The following ASMT variants were observed in gnomAD, a reference collection of about 807,000 sequenced individuals.
The protein encoded by ASMT is acetylserotonin N-methyltransferase.
Under a neutral mutation model 41.3 loss-of-function variants are expected in ASMT, and 53 were observed. The observed-to-expected ratio is 1.28, with a 90% CI of 1.03 to 1.61. The LOEUF is 1.61. Ranked by LOEUF, ASMT falls within the 40% of genes most tolerant of loss-of-function variation. The pLI is 0.00. For missense variants in ASMT, 531 were observed against 441.3 expected (o/e 1.20, Z -1.82); for synonymous variants, 231 against 184.8 (o/e 1.25, Z -2.03).
chrX:1,633,378 T>A, intron 7 of ASMT, 88 bp downstream of exon 7: 2 of 1,562,116 alleles, frequency 1.3e-6, no homozygotes, highest in South Asian at 2.2e-5. Flanking sequence ...GAAGATGTGA[T>A]GTGGTTTTCC....
chrX:1,641,627 C>G lies in ASMT; in HGVS notation c.911-1176C>G, dbSNP rs1443758373. Reference sequence around the variant, plus strand: ...TGTGTGTGTGATGGGGACAGTGTCCCAGTGTCCTGTGAGGTCCACCCATCC... The same window carrying G: ...TGTGTGTGTGATGGGGACAGTGTCCGAGTGTCCTGTGAGGTCCACCCATCC... On this transcript the variant is annotated intron_variant, in intron 8 of 8. Transcript: ENST00000381241. Among the ~76,000 whole-genome samples, 6 of 147,838 alleles carry G rather than the reference C, an allele frequency of 4.1e-5. 1 individual carries two copies. The Admixed American group carries it at 4.2e-4, about 10-fold the overall frequency.
chrX:1,615,948 T>G (rs1370708790), intron 1 of ASMT, among the ~76,000 whole-genome samples: 1 of 152,214 alleles, frequency 6.6e-6, no homozygotes, highest in East Asian at 1.9e-4. Context: ...GGTTGTTTAT[T>G]AACCCAGTAA....
At chrX:1,633,364 TGAA>T (rs1274242292) in intron 7 of ASMT, 74 bp downstream of exon 7, 11 of 1,589,894 alleles carry the variant, frequency 6.9e-6, no homozygotes, top group Admixed American at 6.7e-5. Flanking sequence ...TTCTGGGAAA[TGAA>T]GAAGATGTGA....
chrX:1,615,504 T>G (rs1322511403), intron 1 of ASMT, among the ~76,000 whole-genome samples: 6 of 152,020 alleles, frequency 3.9e-5, no homozygotes, highest in African/African-American at 1.4e-4. Flanking sequence ...CATCAATCAA[T>G]GTATGTAAGT....
At chrX:1,623,717 G>C (rs1407076342) in intron 2 of ASMT, among the ~76,000 whole-genome samples, 1 of 152,064 alleles carries the variant, frequency 6.6e-6, no homozygotes, top group Non-Finnish European at 1.5e-5. Context: ...CCAGGAGTTC[G>C]AGACCAGCCT....
At chrX:1,640,621 A>T (rs1488234275) in intron 8 of ASMT, among the ~76,000 whole-genome samples, 1 of 17,148 alleles carries the variant, frequency 5.8e-5, no homozygotes, top group Non-Finnish European at 9.8e-5. Context: ...TGTGTGTGAG[A>T]TAGGGACCAT....
chrX:1,636,271 T>A (rs1394775786), intron 7 of ASMT, 167 bp from the exon 8 acceptor site: 4 of 1,045,108 alleles, frequency 3.8e-6, no homozygotes, highest in African/African-American at 3.1e-5. Flanking sequence ...TATTTTCTTA[T>A]CTTTCTCCTA....
intron 1 of ASMT, among the ~76,000 whole-genome samples, chrX:1,616,438 G>C (rs1225453903): frequency 6.6e-6 from 1 of 151,452 alleles, no homozygotes; most frequent in East Asian, 1.9e-4. Flanking sequence ...GGTTTGCAGA[G>C]GCTGGGCAGG....
rs189998643 is a variant in ASMT, at chrX:1,615,433, G to A, written c.69+165G>A. On this transcript the variant is annotated intron_variant, in intron 1 of 8. Transcript: ENST00000381241. ...CGATGTAGCCTCAGGAGTTCCTGAGGACATGTGCCCAGGGTGGTCTGGGGA... is the reference window on the plus strand; with the variant it reads ...CGATGTAGCCTCAGGAGTTCCTGAGAACATGTGCCCAGGGTGGTCTGGGGA... 4.1e-3 allele frequency: 926 copies of A among 224,878 alleles called. 9 individuals carry two copies. The highest frequency in any genetic ancestry group is 0.02 in the African/African-American group (874 of 43,266). The allele number at this position is 224,878 out of a possible 1,614,324, so 13.9% of individuals were successfully genotyped here.
rs181359809 is a variant in ASMT, at chrX:1,615,361, C to G, written c.69+93C>G. 3,486 of 1,215,730 alleles carry G rather than the reference C, an allele frequency of 2.9e-3. 14 individuals are homozygous for G. Among genetic ancestry groups the G allele is most frequent in the Non-Finnish European group, 3.8e-3 (3,179 of 839,498 alleles). 75.3% of individuals were successfully genotyped at this position (1,215,730 alleles called of 1,614,324 possible). A position where few individuals can be genotyped will look rare whatever the true frequency, so the allele number is the denominator to read the frequency against. ...GTCAGTCGAGAAAAATGATGAGTCT[C>G]CATCATTTTAGGAGGTTTATTTTCC... On this transcript the variant is annotated intron_variant, in intron 1 of 8. Coordinates refer to ENST00000381241, the MANE Select transcript of ASMT (RefSeq NM_001171038.2).
chrX:1,615,196 C>A lies in ASMT; in HGVS notation c.-4C>A, dbSNP rs1303302698. 3 of 1,590,054 alleles carry A rather than the reference C, an allele frequency of 1.9e-6. No individual in the cohort carries two copies. Among genetic ancestry groups the A allele is most frequent in the Middle Eastern group, 1.7e-4 (1 of 6,046 alleles). ...CCGGAAGCCACGGCTGGATTGGAGA[C>A]AAGATGGGATCCTCAGAGGACCAGG... On this transcript the variant is annotated 5_prime_UTR_variant, in exon 1 of 9. Transcript: ENST00000381241.
At position 1,616,951 on chromosome X, in the gene ASMT, G is replaced by T. The variant is rs369602113; in HGVS notation, c.69+1683G>T. Among the ~76,000 whole-genome samples, 42 of 151,814 alleles carry T rather than the reference G, an allele frequency of 2.8e-4. 1 individual carries two copies. The highest frequency in any genetic ancestry group is 9.9e-4 in the African/African-American group (41 of 41,448). On this transcript the variant is annotated intron_variant, in intron 1 of 8. Transcript: ENST00000381241. Reference sequence around the variant, plus strand: ...TCTCGATCTCCTGACCTCATGATCCGCCCGCCTCGGCCTCCCAAAGTGCTG... The same window carrying T: ...TCTCGATCTCCTGACCTCATGATCCTCCCGCCTCGGCCTCCCAAAGTGCTG...
chrX:1,634,225 G>A (rs6588810), intron 7 of ASMT, among the ~76,000 whole-genome samples: 16,335 of 152,190 alleles, frequency 0.11, 1,262 homozygotes, highest in East Asian at 0.38. Flanking sequence ...GCATATCAGC[G>A]AAGGAGAAAG....
In ASMT at chrX:1,633,200, A is replaced by C. The variant is rs1569380811; in HGVS notation, c.697A>C (p.Lys233Gln). 1 of 1,613,778 alleles carries C rather than the reference A, an allele frequency of 6.2e-7. No individual in the cohort carries two copies. Among genetic ancestry groups the C allele is most frequent in the Non-Finnish European group, 8.5e-7 (1 of 1,179,812 alleles). The change falls in exon 7 of 9, where the codon AAG becomes CAG. Residue 233 changes from lysine to glutamine, a missense_variant. By Grantham distance (53) the Lys-to-Gln change is moderately conservative. Coordinates refer to ENST00000381241, the MANE Select transcript of ASMT (RefSeq NM_001171038.2). ...ATGCATGTCTCTGTACCCTGGATGT[A>C]AGATCACCGTTTTTGACATCCCAGA... ...KECMSLYPGC[K>Q]ITVFDIPEVV...
At chrX:1,636,329 G>T in intron 7 of ASMT, 109 bp from the exon 8 acceptor site, 1 of 1,510,888 alleles carries the variant, frequency 6.6e-7, no homozygotes, top group South Asian at 1.1e-5. Flanking sequence ...TAGCCTGGAA[G>T]ACCTGGGAAA....
At chrX:1,618,020 T>C (rs752804397) in intron 1 of ASMT, among the ~76,000 whole-genome samples, 23 of 151,552 alleles carry the variant, frequency 1.5e-4, no homozygotes, top group Middle Eastern at 3.4e-3. Flanking sequence ...CCCCCAAGGG[T>C]TAAAAATACC....
In ASMT at chrX:1,629,871, G is replaced by A. The variant is rs757612642; in HGVS notation, c.494G>A (p.Ser165Asn). 1.2e-6 allele frequency: 2 copies of A among 1,614,010 alleles called. No homozygotes were observed. Among genetic ancestry groups the A allele is most frequent in the South Asian group, 2.2e-5 (2 of 91,080 alleles). The stretch of plus-strand genomic sequence containing the variant: ...ATGCAAGCTCTGCAGGAGGTCTGGA[G>A]CGTCAACGGGAGAAGCGTGCTGACC... The part of the protein sequence containing the change: ...QFMQALQEVW[S>N]VNGRSVLTAF... Residue 165 changes from serine (S) to asparagine (N), a missense_variant, in exon 5 of 9, where the codon AGC becomes AAC. Ser to Asn is a conservative substitution (Grantham distance 46, BLOSUM62 1). Coordinates refer to ENST00000381241, the MANE Select transcript of ASMT (RefSeq NM_001171038.2).
At chrX:1,626,590 G>C (rs1311107792) in intron 3 of ASMT, among the ~76,000 whole-genome samples, 2 of 152,080 alleles carry the variant, frequency 1.3e-5, no homozygotes, top group African/African-American at 4.8e-5. Flanking sequence ...GTTGGAAAGT[G>C]AGCCACGTAA....
At chrX:1,635,989 G>A (rs780117576) in intron 7 of ASMT, among the ~76,000 whole-genome samples, 6 of 145,704 alleles carry the variant, frequency 4.1e-5, no homozygotes, top group Admixed American at 2.8e-4. Flanking sequence ...AGACAGTCTC[G>A]CTGTCGCCCA....
Sources: allele counts gnomAD v4.1 joint callset (sites outside exome capture counted in the v4.1 genomes callset), GRCh38; gene constraint gnomAD v4.1.1; transcripts MANE v1.5; gene names NCBI Gene and HGNC (gene_info 2026-07-23, HGNC 2026-07-21).